RAP1GDS1: variants seen among roughly 807,000 people sequenced by gnomAD.
The protein encoded by RAP1GDS1 is RAP1, GTP-GDP dissociation stimulator 1.
RAP1GDS1 carries 35 observed loss-of-function variants against 71.1 expected under a neutral mutation model. That is an observed-to-expected ratio of 0.49 (90% confidence interval 0.38 to 0.65). The LOEUF is 0.65. Ranked by LOEUF, RAP1GDS1 falls within the 30% of genes least tolerant of loss-of-function variation. RAP1GDS1 has a pLI of 0.00. For missense variants in RAP1GDS1, 663 were observed against 706.1 expected (o/e 0.94, Z 0.69); for synonymous variants, 229 against 243.1 (o/e 0.94, Z 0.54).
intron 1 of RAP1GDS1, among the ~76,000 whole-genome samples, chr4:98,265,714 G>C (rs1306589528): frequency 6.6e-6 from 1 of 152,094 alleles, no homozygotes; most frequent in Non-Finnish European, 1.5e-5. Flanking sequence ...AAAAGGAATG[G>C]TATGATTTCA....
chr4:98,289,118 A>G (rs1726510983), intron 1 of RAP1GDS1, among the ~76,000 whole-genome samples: 1 of 152,200 alleles, frequency 6.6e-6, no homozygotes, highest in Non-Finnish European at 1.5e-5. Context: ...TACTGTAGAT[A>G]TGTCACCTAC....
chr4:98,435,035 AG>A (rs1222964735), intron 13 of RAP1GDS1, among the ~76,000 whole-genome samples: 2 of 152,230 alleles, frequency 1.3e-5, no homozygotes, highest in African/African-American at 4.8e-5. Flanking sequence ...ACAGTCAGCC[AG>A]GGATGGTGTA....
intron 2 of RAP1GDS1, among the ~76,000 whole-genome samples, chr4:98,297,863 A>G (rs1398330259): frequency 1.3e-5 from 2 of 152,250 alleles, no homozygotes; most frequent in African/African-American, 2.4e-5. Flanking sequence ...AAGCGGAGGC[A>G]GGTTGAAAGC....
At chr4:98,415,205 C>T (rs1185553851) in intron 7 of RAP1GDS1, among the ~76,000 whole-genome samples, 2 of 152,150 alleles carry the variant, frequency 1.3e-5, no homozygotes, top group East Asian at 3.8e-4. Context: ...GGCAGTCAGA[C>T]CTTTGGTTGT....
intron 7 of RAP1GDS1, among the ~76,000 whole-genome samples, chr4:98,415,922 T>C (rs886964889): frequency 1.5e-4 from 23 of 152,314 alleles, no homozygotes; most frequent in Admixed American, 9.2e-4. Flanking sequence ...TTTATTTATT[T>C]ATTTAATTTT....
intron 7 of RAP1GDS1, among the ~76,000 whole-genome samples, chr4:98,415,305 G>C (rs951144555): frequency 2.6e-5 from 4 of 152,160 alleles, no homozygotes; most frequent in African/African-American, 9.7e-5. Context: ...TTTACAATCA[G>C]ACTTCATATT....
At chr4:98,291,805 C>T (rs992302160) in intron 1 of RAP1GDS1, among the ~76,000 whole-genome samples, 1 of 152,112 alleles carries the variant, frequency 6.6e-6, no homozygotes, top group Non-Finnish European at 1.5e-5. Context: ...CATACATGTC[C>T]AGTAGTCCTC....
intron 2 of RAP1GDS1, among the ~76,000 whole-genome samples, chr4:98,308,297 CTA>C (rs779815305): frequency 0.011 from 813 of 73,124 alleles, 10 homozygotes; most frequent in Middle Eastern, 0.019. Context: ...CACACACACA[CTA>C]TATATATATA....
At chr4:98,433,710 C>A (rs190242538) in intron 12 of RAP1GDS1, among the ~76,000 whole-genome samples, 2 of 152,116 alleles carry the variant, frequency 1.3e-5, no homozygotes, top group African/African-American at 4.8e-5. Flanking sequence ...ATATGAACTG[C>A]AGTGGTCTTT....
At chr4:98,395,266 T>G (rs1310551543) in intron 6 of RAP1GDS1, among the ~76,000 whole-genome samples, 1 of 152,174 alleles carries the variant, frequency 6.6e-6, no homozygotes, top group East Asian at 1.9e-4. Flanking sequence ...ACAAGTTTAA[T>G]TAAAACATTT....
Position 98,428,208 on chromosome 4 carries a change from G to A in RAP1GDS1, c.1441-5728G>A, listed in dbSNP as rs371577924. ...TACAAAAAAAAAATCAACTTGAGATGGATCAAGGACTTAAATCTAAGACCT... is the reference window on the plus strand; with the variant it reads ...TACAAAAAAAAAATCAACTTGAGATAGATCAAGGACTTAAATCTAAGACCT... On this transcript the variant is annotated intron_variant, in intron 12 of 14. Transcript: ENST00000408927. Among the ~76,000 whole-genome samples the A allele has an allele frequency of 7.2e-5, 11 of 152,186 alleles. No individual in the cohort carries two copies. The South Asian group carries it at 2.1e-3, about 29-fold the overall frequency.
intron 4 of RAP1GDS1, among the ~76,000 whole-genome samples, chr4:98,376,747 T>G (rs757098411): frequency 1.4e-4 from 21 of 151,988 alleles, no homozygotes; most frequent in Admixed American, 2.6e-4. Flanking sequence ...TCATATTTGG[T>G]AATAATGTAA....
intron 12 of RAP1GDS1, among the ~76,000 whole-genome samples, chr4:98,427,128 T>A (rs547581475): frequency 1.3e-5 from 2 of 152,284 alleles, no homozygotes; most frequent in East Asian, 3.9e-4. Context: ...CACATGATCA[T>A]CTCAATAGAT....
At chr4:98,286,071 A>AGCCTG (rs1220869304) in intron 1 of RAP1GDS1, among the ~76,000 whole-genome samples, 1 of 151,668 alleles carries the variant, frequency 6.6e-6, no homozygotes, top group Non-Finnish European at 1.5e-5. Flanking sequence ...GGTCGAGACC[A>AGCCTG]GCCTGGGCAA....
intron 1 of RAP1GDS1, among the ~76,000 whole-genome samples, chr4:98,272,430 G>A (rs1426411726): frequency 1.3e-5 from 2 of 152,144 alleles, no homozygotes; most frequent in Admixed American, 6.6e-5. Context: ...GTGGTAGTCA[G>A]TTGGTGAGAG....
At chr4:98,267,757 C>T (rs558328530) in intron 1 of RAP1GDS1, among the ~76,000 whole-genome samples, 6 of 151,996 alleles carry the variant, frequency 3.9e-5, no homozygotes, top group Non-Finnish European at 8.8e-5. Context: ...TTGATAGGCA[C>T]CTGGGTTGTT....
chr4:98,389,373 G>T (rs1210178851), intron 5 of RAP1GDS1, among the ~76,000 whole-genome samples: 1 of 151,986 alleles, frequency 6.6e-6, no homozygotes, highest in Non-Finnish European at 1.5e-5. Context: ...GCCAGTCGGT[G>T]TGAACAAATT....
chr4:98,417,290 A>G, intron 8 of RAP1GDS1, 77 bp from the exon 9 acceptor site: 1 of 1,426,156 alleles, frequency 7.0e-7, no homozygotes, highest in South Asian at 1.3e-5. Flanking sequence ...TTCCAGTTGG[A>G]TATTCACCTA....
chr4:98,403,342 G>A (rs1745694658), intron 6 of RAP1GDS1, among the ~76,000 whole-genome samples: 1 of 152,154 alleles, frequency 6.6e-6, no homozygotes, highest in African/African-American at 2.4e-5. Context: ...AAATGGAATG[G>A]ATTTGGGTTG....
Sources: gnomAD v4.1 joint callset for allele counts (sites outside exome capture counted in the v4.1 genomes callset) on GRCh38, gnomAD v4.1.1 for gene constraint, MANE v1.5 for transcripts, NCBI Gene and HGNC (gene_info 2026-07-23, HGNC 2026-07-21) for gene names.